Variants in KCNU1 observed in about 807,000 individuals in gnomAD.
KCNU1 encodes the protein potassium calcium-activated channel subfamily U member 1.
Under a neutral mutation model 126.8 loss-of-function variants are expected in KCNU1, and 93 were observed. The ratio of observed to expected loss-of-function variants is 0.73; its 90% CI spans 0.62 to 0.87. The LOEUF is 0.87. KCNU1 is among the 40% of genes least tolerant of loss of function. KCNU1 has a pLI of 0.00. For synonymous variants in KCNU1, 523 were observed against 494.2 expected (o/e 1.06, Z -0.77); for missense variants, 1,330 against 1,367.1 (o/e 0.97, Z 0.43).
At chr8:36,845,462 GTTGAATACGATTAAA>G in intron 16 of KCNU1, 103 bp from the exon 17 acceptor site, 1 of 632,878 alleles carries the variant, frequency 1.6e-6, no homozygotes, top group South Asian at 1.9e-5. Flanking sequence ...GTAAGAGGAG[GTTGAATACGATTAAA>G]TTAGCAACTC....
At chr8:36,890,065 T>C (rs967060902) in intron 19 of KCNU1, among the ~76,000 whole-genome samples, 1 of 152,088 alleles carries the variant, frequency 6.6e-6, no homozygotes, top group Non-Finnish European at 1.5e-5. Context: ...AAACAAATTT[T>C]CTTCAAAATT....
At chr8:36,858,798 C>T (rs1805625517) in intron 18 of KCNU1, among the ~76,000 whole-genome samples, 1 of 152,158 alleles carries the variant, frequency 6.6e-6, no homozygotes, top group African/African-American at 2.4e-5. Context: ...TTACCCACTT[C>T]TATGACATGT....
chr8:36,848,111 C>T (rs1013812114), intron 18 of KCNU1, among the ~76,000 whole-genome samples: 4 of 152,072 alleles, frequency 2.6e-5, no homozygotes, highest in Non-Finnish European at 4.4e-5. Context: ...ATGTCTTTTG[C>T]AAAATGTTTA....
rs752389221 is a variant in KCNU1, at chr8:36,836,898, G to T, written c.1471G>T (p.Gly491Cys). Reference protein sequence around the residue: ...GFIAQGCLVPGLCTFLTSLFV... With the variant: ...GFIAQGCLVPCLCTFLTSLFV... ...TATCGCCCAAGGCTGTTTGGTGCCA[G>T]GCTTGTGTACCTTCCTAACATCTCT... Residue 491 changes from glycine to cysteine, a missense_variant, in exon 14 of 27, where the codon GGC (glycine) becomes TGC (cysteine). Around this residue, in one of 3 missense-constraint regions of KCNU1, gnomAD observed 1,054 missense variants for 1,053.9 expected, o/e 1.00. Transcript: ENST00000399881. 4.3e-6 allele frequency: 7 copies of T among 1,613,826 alleles called. No individual in the cohort carries two copies. The highest frequency in any genetic ancestry group is 5.9e-6 in the Non-Finnish European group (7 of 1,179,806).
chr8:36,858,578 G>A (rs1563299470), intron 18 of KCNU1, among the ~76,000 whole-genome samples: 1 of 152,102 alleles, frequency 6.6e-6, no homozygotes, highest in Non-Finnish European at 1.5e-5. Flanking sequence ...TTTCTGAAAA[G>A]AAATTACACA....
At chr8:36,935,301 C>T (rs1387525177) in intron 26 of KCNU1, among the ~76,000 whole-genome samples, 1 of 152,068 alleles carries the variant, frequency 6.6e-6, no homozygotes, top group Non-Finnish European at 1.5e-5. Context: ...AAGCCAGCCC[C>T]CTCATTCCTA....
chr8:36,784,731 G>T lies in KCNU1; in HGVS notation c.195+126G>T, dbSNP rs565878604. ...CTAACAGAGTCAGCTTCTATAGCCT[G>T]GTGCCTCAGAAAGGGTGGTAAGCCA... On this transcript the variant is annotated intron_variant, in intron 1 of 26. Coordinates refer to ENST00000399881, the MANE Select transcript of KCNU1 (RefSeq NM_001031836.3). The T allele has an allele frequency of 3.2e-5, 24 of 746,282 alleles. 3 individuals carry two copies. Among genetic ancestry groups the T allele is most frequent in the African/African-American group, 3.0e-4 (17 of 56,556 alleles). 46.2% of individuals were successfully genotyped at this position (746,282 alleles called of 1,614,324 possible).
chr8:36,935,742 C>G lies in KCNU1; in HGVS notation c.3272C>G (p.Ser1091Cys). ...VTETLYSPVY[S>C]YQPRTNSLSF... ...GAGACATTGTATTCACCAGTCTATT[C>G]TTACCAGCCGAGAACTAACTCCCTC... The change falls in exon 27 of 27, where the codon TCT becomes TGT. Residue 1091 changes from serine (S) to cysteine (C), a missense_variant. Ser to Cys is a moderately radical substitution (Grantham distance 112). Coordinates refer to ENST00000399881, the MANE Select transcript of KCNU1 (RefSeq NM_001031836.3). The G allele has an allele frequency of 6.2e-7, 1 of 1,613,422 alleles. No homozygotes were observed. Among genetic ancestry groups the G allele is most frequent in the Non-Finnish European group, 8.5e-7 (1 of 1,179,534 alleles).
intron 10 of KCNU1, among the ~76,000 whole-genome samples, chr8:36,830,694 A>T (rs1024522738): frequency 6.6e-6 from 1 of 150,750 alleles, no homozygotes; most frequent in Non-Finnish European, 1.5e-5. Flanking sequence ...GTGTGTTTGG[A>T]TGTGTAGGTT....
At chr8:36,829,726 C>T (rs1479280884) in intron 10 of KCNU1, among the ~76,000 whole-genome samples, 1 of 151,288 alleles carries the variant, frequency 6.6e-6, no homozygotes, top group African/African-American at 2.4e-5. Context: ...CTGCTTTATG[C>T]TACAAACTCT....
intron 4 of KCNU1, among the ~76,000 whole-genome samples, chr8:36,805,814 A>G (rs1463484601): frequency 6.6e-6 from 1 of 152,118 alleles, no homozygotes; most frequent in Non-Finnish European, 1.5e-5. Context: ...ATACACATAT[A>G]TGTATGTATA....
chr8:36,880,192 G>A (rs1486278796), intron 19 of KCNU1, among the ~76,000 whole-genome samples: 1 of 152,154 alleles, frequency 6.6e-6, no homozygotes, highest in African/African-American at 2.4e-5. Context: ...TTTTAAACAT[G>A]TTACATTATT....
intron 19 of KCNU1, among the ~76,000 whole-genome samples, chr8:36,898,608 TG>T (rs1807292699): frequency 6.6e-6 from 1 of 152,138 alleles, no homozygotes; most frequent in Non-Finnish European, 1.5e-5. Context: ...GTCTGAAATT[TG>T]CATTTGTTTC....
At chr8:36,837,518 A>C (rs915088937) in intron 14 of KCNU1, among the ~76,000 whole-genome samples, 2 of 152,128 alleles carry the variant, frequency 1.3e-5, no homozygotes, top group South Asian at 2.1e-4. Flanking sequence ...CCAGCAGTGA[A>C]TTGGTGAAGC....
chr8:36,889,391 A>G (rs1806864008), intron 19 of KCNU1: 1 of 372,310 alleles, frequency 2.7e-6, no homozygotes, highest in African/African-American at 2.1e-5. Context: ...CCAGAGATTA[A>G]GACAAATGAG....
chr8:36,806,340 A>G lies in KCNU1; in HGVS notation c.540A>G (p.Pro180=), dbSNP rs556146023. The change falls in exon 5 of 27, where the codon CCA becomes CCG. Residue 180 remains proline (P), a synonymous_variant. Coordinates refer to ENST00000399881, the MANE Select transcript of KCNU1 (RefSeq NM_001031836.3). ...CAATCGTAGACATCTTTACCATCCC[A>G]CCAACCTTTATTTCTTATTATTTGA... ...MNSIVDIFTI[P]PTFISYYLKS... The G allele has an allele frequency of 3.7e-6, 6 of 1,610,582 alleles. No individual in the cohort carries two copies. In the African/African-American group the frequency reaches 4.0e-5, roughly 11 times the overall value.
In KCNU1 at chr8:36,808,779, G is replaced by T; in HGVS notation, c.718G>T (p.Gly240Ter). ...IILSTWFTAA[G>*]FIHLVENSGD... ...TCTCAGTACCTGGTTCACAGCTGCG[G>T]GATTCATTCACCTGGTAAGCATCTC... Residue 240 changes from glycine (G) to a stop codon, truncating the protein, a stop_gained, in exon 7 of 27, where the codon GGA becomes TGA. Coordinates refer to ENST00000399881, the MANE Select transcript of KCNU1 (RefSeq NM_001031836.3). LOFTEE classifies it high-confidence loss of function. The T allele has an allele frequency of 6.2e-7, 1 of 1,610,446 alleles. No homozygotes were observed. The highest frequency in any genetic ancestry group is 8.5e-7 in the Non-Finnish European group (1 of 1,177,770).
At chr8:36,874,614 G>A (rs1335119284) in intron 19 of KCNU1, among the ~76,000 whole-genome samples, 1 of 152,134 alleles carries the variant, frequency 6.6e-6, no homozygotes, top group Admixed American at 6.5e-5. Flanking sequence ...TTGGGGCTCT[G>A]TGGGTTAGGT....
At chr8:36,837,779 T>C (rs1033405091) in intron 14 of KCNU1, among the ~76,000 whole-genome samples, 21 of 152,254 alleles carry the variant, frequency 1.4e-4, no homozygotes, top group Non-Finnish European at 2.4e-4. Context: ...GTGCTAGCCC[T>C]TGGCTGGACC....
Sources: gnomAD v4.1 joint callset for allele counts (sites outside exome capture counted in the v4.1 genomes callset) on GRCh38, gnomAD v4.1.1 for gene constraint, gnomAD v4.1.1 regional missense constraint, MANE v1.5 for transcripts, NCBI Gene and HGNC (gene_info 2026-07-23, HGNC 2026-07-21) for gene names.